PABIR3: variants seen among roughly 807,000 people sequenced by gnomAD.
PABIR3 encodes PABIR family member 1.
Under a neutral mutation model 23.1 loss-of-function variants are expected in PABIR3, and 20 were observed. The ratio of observed to expected loss-of-function variants is 0.86; its 90% confidence interval spans 0.61 to 1.26. PABIR3 has a LOEUF of 1.26. Among genes scored for constraint, PABIR3 ranks in the 50% most tolerant of loss-of-function variants. The pLI is 0.00. For synonymous variants in PABIR3, 69 were observed against 68.5 expected (o/e 1.01, Z -0.04); for missense variants, 189 against 195.4 (o/e 0.97, Z 0.20).
At position 134,847,926 on chromosome X, in the gene PABIR3, G is replaced by C; in HGVS notation, c.482G>C (p.Gly161Ala). The change falls in exon 8 of 11, where the codon GGT becomes GCT. Residue 161 changes from glycine to alanine, a missense_variant. Coordinates refer to ENST00000645433, the MANE Select transcript of PABIR3 (RefSeq NM_001388447.1). ...TTACAAACTTGTGTGAGTTGCACTG[G>C]TTCGCCTTCAAGTCCTATTCCCAGT... ...PSLQTCVSCT[G>A]SPSSPIPSPM... The C allele has an allele frequency of 1.7e-6, 2 of 1,155,069 alleles. No homozygotes were observed. Among genetic ancestry groups the C allele is most frequent in the Non-Finnish European group, 2.3e-6 (2 of 872,564 alleles).
At chrX:134,864,200 T>A in the PABIR3 span, among the ~76,000 whole-genome samples, 1 of 110,176 alleles carries the variant, frequency 9.1e-6, no homozygotes, top group South Asian at 3.9e-4. Context: ...AATTTTTGTA[T>A]TTTTTAATAG....
intron 3 of PABIR3, among the ~76,000 whole-genome samples, chrX:134,818,720 A>G (rs2081105936): frequency 9.0e-6 from 1 of 110,540 alleles, no homozygotes; most frequent in Non-Finnish European, 1.9e-5. Context: ...GGGAATGTAA[A>G]AGTAACTGCT....
chrX:134,857,097 A>G (rs1290837516), downstream of PABIR3, among the ~76,000 whole-genome samples: 1 of 112,382 alleles, frequency 8.9e-6, no homozygotes. Flanking sequence ...ATAGTGAAGG[A>G]CATGCATTAG....
intron 6 of PABIR3, among the ~76,000 whole-genome samples, chrX:134,846,067 A>G (rs1187984343): frequency 1.8e-5 from 2 of 112,025 alleles, no homozygotes; most frequent in Non-Finnish European, 3.8e-5. Context: ...ACAGTTCTGC[A>G]TGGCTGGGGA....
intron 4 of PABIR3, 110 bp downstream of exon 4, chrX:134,829,392 T>A: frequency 1.7e-6 from 1 of 603,200 alleles, no homozygotes; most frequent in Non-Finnish European, 2.5e-6. Context: ...CGTGTAATAT[T>A]AAGTTTTTAT....
chrX:134,826,445 A>G (rs1022710022), intron 3 of PABIR3, among the ~76,000 whole-genome samples: 1 of 111,401 alleles, frequency 9.0e-6, no homozygotes, highest in African/African-American at 3.3e-5. Context: ...CTTGTCTCTT[A>G]TATAAAATCT....
intron 1 of PABIR3, among the ~76,000 whole-genome samples, chrX:134,801,812 C>T (rs2080070609): frequency 9.2e-6 from 1 of 108,887 alleles, no homozygotes; most frequent in Admixed American, 9.8e-5. Context: ...TTGAGGTTTT[C>T]TGCATAGGGG....
At chrX:134,822,158 C>T (rs2148209106) in intron 3 of PABIR3, 1 of 752,432 alleles carries the variant, frequency 1.3e-6, no homozygotes, top group South Asian at 6.8e-5. Context: ...AAGGACTTTT[C>T]TTTCTTCCTG....
chrX:134,858,551 TG>T (rs1324437841), downstream of PABIR3, among the ~76,000 whole-genome samples: 4 of 111,941 alleles, frequency 3.6e-5, no homozygotes, highest in African/African-American at 1.3e-4. Context: ...TAGGTATCTG[TG>T]GGGAAAACTA....
upstream of PABIR3, among the ~76,000 whole-genome samples, chrX:134,803,627 C>G (rs1187167153): frequency 8.9e-6 from 1 of 111,921 alleles, no homozygotes; most frequent in Non-Finnish European, 1.9e-5. Context: ...GTATTTTTCT[C>G]CCAGCTAGAT....
upstream of PABIR3, chrX:134,807,134 G>C: frequency 2.6e-6 from 2 of 767,283 alleles, no homozygotes; most frequent in South Asian, 1.3e-4. Flanking sequence ...CTGAAGTGAC[G>C]TCATTGCCTG....
At chrX:134,811,114 T>C in intron 2 of PABIR3, 3 of 739,834 alleles carry the variant, frequency 4.1e-6, no homozygotes, top group Non-Finnish European at 4.8e-6. Context: ...TAATACAGTA[T>C]TACTGTTTTA....
chrX:134,844,336 C>T (rs766674693), intron 4 of PABIR3: 7 of 110,544 alleles, frequency 6.3e-5, no homozygotes, highest in Non-Finnish European at 1.9e-5. Context: ...TTTAATATTC[C>T]ATATGAATTT....
intron 4 of PABIR3, among the ~76,000 whole-genome samples, chrX:134,829,913 C>A (rs1259322396): frequency 8.9e-6 from 1 of 112,133 alleles, no homozygotes; most frequent in Non-Finnish European, 1.9e-5. Context: ...ACCACTACCC[C>A]ACAGGTGGTA....
At chrX:134,826,103 G>A (rs1425293947) in intron 3 of PABIR3, among the ~76,000 whole-genome samples, 2 of 110,997 alleles carry the variant, frequency 1.8e-5, no homozygotes, top group African/African-American at 3.3e-5. Flanking sequence ...CTTCTCCTAT[G>A]TATAACAGAG....
chrX:134,845,409 A>G lies in PABIR3; in HGVS notation c.345+8A>G. ...GAAGAAGGCTTGAAACTGGTATGATATTATAACTTCAGTTTTGTAGAAAAT... is the reference window on the plus strand; with the variant it reads ...GAAGAAGGCTTGAAACTGGTATGATGTTATAACTTCAGTTTTGTAGAAAAT... On this transcript the variant is annotated splice_region_variant and intron_variant, in intron 6 of 10. Coordinates refer to ENST00000645433, the MANE Select transcript of PABIR3 (RefSeq NM_001388447.1). 8.5e-7 allele frequency: 1 copy of G among 1,180,503 alleles called. No individual in the cohort carries two copies. Among genetic ancestry groups the G allele is most frequent in the Non-Finnish European group, 1.1e-6 (1 of 878,341 alleles).
chrX:134,838,516 G>A (rs1324630968), intron 4 of PABIR3, among the ~76,000 whole-genome samples: 1 of 108,847 alleles, frequency 9.2e-6, no homozygotes, highest in African/African-American at 3.3e-5. Flanking sequence ...TGTTAGCCAG[G>A]ATGGTCTCGA....
intron 2 of PABIR3, chrX:134,810,798 G>A: frequency 1.3e-6 from 1 of 752,922 alleles, no homozygotes; most frequent in Non-Finnish European, 1.6e-6. Context: ...AAAGTCACTA[G>A]CATATTTCTT....
downstream of PABIR3, among the ~76,000 whole-genome samples, chrX:134,855,720 G>C (rs1348545856): frequency 3.6e-5 from 4 of 111,791 alleles, no homozygotes; most frequent in Non-Finnish European, 7.5e-5. Flanking sequence ...GATCAGAATT[G>C]ATATATAAGT....
Sources: gnomAD v4.1 joint callset for allele counts (sites outside exome capture counted in the v4.1 genomes callset) on GRCh38, gnomAD v4.1.1 for gene constraint, MANE v1.5 for transcripts, NCBI Gene and HGNC (gene_info 2026-07-23, HGNC 2026-07-21) for gene names.